Variants in ADAMTS18 observed in about 807,000 individuals in gnomAD.
ADAMTS18 encodes the protein ADAM metallopeptidase with thrombospondin type 1 motif 18.
In ADAMTS18, 157 loss-of-function variants were observed where a neutral mutation model predicts 165.9. The ratio of observed to expected loss-of-function variants is 0.95; its 90% CI spans 0.83 to 1.08. ADAMTS18 has a LOEUF of 1.08. ADAMTS18 is among the 50% of genes least tolerant of loss of function. The pLI is 0.00. For missense variants in ADAMTS18, 2,040 were observed against 1,534.0 expected, an observed-to-expected ratio of 1.33 and a Z score of -5.51; for synonymous variants, 782 against 578.2, an observed-to-expected ratio of 1.35 and a Z score of -5.06.
rs145578939 is a variant in ADAMTS18, at chr16:77,383,512, T to C, written c.496-15789A>G. Among the ~76,000 whole-genome samples, 17 of 151,938 alleles carry C rather than the reference T, an allele frequency of 1.1e-4. No homozygotes were observed. In the East Asian group the frequency reaches 3.1e-3, roughly 28 times the overall value. ...AATGCTCTTCCCCTAGATATCTCACTTCATGTAGGTTTTTGTCCAAAGGCG... is the reference window on the plus strand; with the variant it reads ...AATGCTCTTCCCCTAGATATCTCACCTCATGTAGGTTTTTGTCCAAAGGCG... On this transcript the variant is annotated intron_variant, in intron 3 of 22. Coordinates refer to ENST00000282849, the MANE Select transcript of ADAMTS18 (RefSeq NM_199355.4).
intron 3 of ADAMTS18, among the ~76,000 whole-genome samples, chr16:77,369,321 C>G (rs185105055): frequency 1.4e-4 from 22 of 151,934 alleles, no homozygotes; most frequent in African/African-American, 4.6e-4. Flanking sequence ...ATTCTTTTTT[C>G]AGTCTAAATT....
chr16:77,434,736 G>T lies in ADAMTS18; in HGVS notation c.-41C>A. On this transcript the variant is annotated 5_prime_UTR_variant, in exon 1 of 23. Transcript: ENST00000282849. The stretch of plus-strand genomic sequence containing the variant: ...CGGCGGCTGCGGGTGGCCAGACGCG[G>T]CAGGCGGAGCGCACGGGCGGCGCGC... The T allele has an allele frequency of 1.4e-6, 2 of 1,389,590 alleles. No individual in the cohort carries two copies. Among genetic ancestry groups the T allele is most frequent in the Non-Finnish European group, 1.9e-6 (2 of 1,069,810 alleles). 86.1% of individuals were successfully genotyped at this position (1,389,590 alleles called of 1,614,324 possible).
rs1555507097 is a variant in ADAMTS18 at position 77,282,906 on chromosome 16, C to CTTTTTTTTTTTTT, written c.*1037_*1049dup. ...CCACTGTTTACTCCTTTCTTTCTCT[C>CTTTTTTTTTTTTT]TTTTTTTTTTTTTTTTTTTTGCTGT... is the stretch of plus-strand genomic sequence containing the variant. On this transcript the variant is annotated 3_prime_UTR_variant, in exon 23 of 23. Coordinates refer to ENST00000282849, the MANE Select transcript of ADAMTS18 (RefSeq NM_199355.4). The CTTTTTTTTTTTTT allele has an allele frequency of 2.1e-4, 16 of 77,562 alleles. No homozygotes were observed. Among genetic ancestry groups the CTTTTTTTTTTTTT allele is most frequent in the East Asian group, 6.4e-4 (2 of 3,116 alleles). The allele number at this position is 77,562 out of a possible 1,614,324, so 4.8% of individuals were successfully genotyped here. A position where few individuals can be genotyped will look rare whatever the true frequency, so the allele number is the denominator to read the frequency against.
chr16:77,367,537 A>G lies in ADAMTS18; in HGVS notation c.682T>C (p.Ser228Pro). Reference protein sequence around the residue: ...PGSGRNYPGYSPSHIPHASQS... With the variant: ...PGSGRNYPGYPPSHIPHASQS... Reference sequence around the variant, plus strand: ...GATGCATGGGGAATGTGACTTGGGGAGTAACCAGGATAATTCCGGCCAGAG... The same window carrying G: ...GATGCATGGGGAATGTGACTTGGGGGGTAACCAGGATAATTCCGGCCAGAG... The change falls in exon 4 of 23, where the codon TCC becomes CCC. Residue 228 changes from serine to proline, a missense_variant. Transcript: ENST00000282849. The G allele has an allele frequency of 6.2e-7, 1 of 1,614,214 alleles. No homozygotes were observed. Among genetic ancestry groups the G allele is most frequent in the Non-Finnish European group, 8.5e-7 (1 of 1,180,040 alleles).
chr16:77,316,765 G>C (rs1185783652), intron 16 of ADAMTS18, among the ~76,000 whole-genome samples: 1 of 152,092 alleles, frequency 6.6e-6, no homozygotes, highest in African/African-American at 2.4e-5. Context: ...TGCCTCCCAA[G>C]CTCAAATGAT....
intron 3 of ADAMTS18, among the ~76,000 whole-genome samples, chr16:77,411,029 C>T (rs539733339): frequency 3.2e-4 from 49 of 152,140 alleles, no homozygotes; most frequent in Non-Finnish European, 6.2e-4. Flanking sequence ...CTCATTTTCC[C>T]GCAAATGCCA....
intron 12 of ADAMTS18, among the ~76,000 whole-genome samples, chr16:77,334,376 G>GTATATATAT (rs1555514130): frequency 1.9e-5 from 2 of 103,960 alleles, no homozygotes; most frequent in African/African-American, 8.3e-5. Flanking sequence ...ATTATATATA[G>GTATATATAT]TATATATATT....
chr16:77,332,561 A>G (rs1296805684), intron 12 of ADAMTS18, among the ~76,000 whole-genome samples: 4 of 152,210 alleles, frequency 2.6e-5, no homozygotes. Flanking sequence ...ACAAAGCCAC[A>G]GAGTTTAGAA....
At chr16:77,289,846 G>A (rs530227306) in intron 21 of ADAMTS18, among the ~76,000 whole-genome samples, 1 of 152,314 alleles carries the variant, frequency 6.6e-6, no homozygotes, top group African/African-American at 2.4e-5. Context: ...AGACAGCTCT[G>A]GAATTAGGTC....
rs2056725004 is a variant in ADAMTS18, at chr16:77,362,172, A to G, written c.1149T>C (p.His383=). ...SALIGKNGKR[H]DHAILLTGFD... The stretch of plus-strand genomic sequence containing the variant: ...ATCCTGTTAGTAAGATGGCATGATC[A>G]TGTCTCTTGCCATTCTTTCCAATGA... Residue 383 remains histidine (H), a synonymous_variant, in exon 7 of 23, where the codon CAT becomes CAC. Transcript: ENST00000282849. 1 of 1,614,106 alleles carries G rather than the reference A, an allele frequency of 6.2e-7. No homozygotes were observed. The highest frequency in any genetic ancestry group is 1.1e-5 in the South Asian group (1 of 91,082).
At chr16:77,431,242 A>G in intron 3 of ADAMTS18, 53 bp downstream of exon 3, 1 of 1,597,088 alleles carries the variant, frequency 6.3e-7, no homozygotes, top group Non-Finnish European at 8.6e-7. Context: ...CTGTTCATTC[A>G]AGTTACACAA....
At chr16:77,320,753 A>G (rs2055981735) in intron 15 of ADAMTS18, among the ~76,000 whole-genome samples, 1 of 152,252 alleles carries the variant, frequency 6.6e-6, no homozygotes, top group Admixed American at 6.5e-5. Flanking sequence ...AACTGCTTCA[A>G]ATATTCATTT....
Position 77,289,289 on chromosome 16 carries a change from G to C in ADAMTS18, c.3525C>G (p.Asn1175Lys). 1 of 1,614,142 alleles carries C rather than the reference G, an allele frequency of 6.2e-7. No individual in the cohort carries two copies. The highest frequency in any genetic ancestry group is 8.5e-7 in the Non-Finnish European group (1 of 1,180,012). Reference protein sequence around the residue: ...KPPVLRACNTNFCPAPEKRED... With the variant: ...KPPVLRACNTKFCPAPEKRED... ...CTCTCTTTTCAGGAGCTGGACAGAA[G>C]TTTGTATTACAGGCTCGTAGCACCG... The change falls in exon 22 of 23, where the codon AAC (asparagine) becomes AAG (lysine). Residue 1175 changes from asparagine (N) to lysine (K), a missense_variant. By Grantham distance (94) the Asn-to-Lys change is moderately conservative. Coordinates refer to ENST00000282849, the MANE Select transcript of ADAMTS18 (RefSeq NM_199355.4).
intron 3 of ADAMTS18, among the ~76,000 whole-genome samples, chr16:77,380,700 T>C (rs1479632998): frequency 6.6e-6 from 1 of 152,172 alleles, no homozygotes; most frequent in Non-Finnish European, 1.5e-5. Flanking sequence ...GGTTTAATCA[T>C]AATCAACAGA....
intron 3 of ADAMTS18, among the ~76,000 whole-genome samples, chr16:77,396,061 A>G (rs2057252853): frequency 6.6e-6 from 1 of 152,210 alleles, no homozygotes; most frequent in South Asian, 2.1e-4. Flanking sequence ...TCGAGCCTCA[A>G]AAGAAGTTTA....
intron 12 of ADAMTS18, 141 bp from the exon 13 acceptor site, chr16:77,326,179 G>C: frequency 1.2e-6 from 1 of 819,278 alleles, no homozygotes; most frequent in Non-Finnish European, 2.0e-6. Flanking sequence ...AGGAATGGAA[G>C]TACATAGCAT....
chr16:77,353,988 A>C, intron 9 of ADAMTS18, 102 bp from the exon 10 acceptor site: 1 of 1,391,274 alleles, frequency 7.2e-7, no homozygotes, highest in Non-Finnish European at 1.0e-6. Context: ...AAAATATAGC[A>C]TGGTTCTAGA....
intron 4 of ADAMTS18, among the ~76,000 whole-genome samples, chr16:77,366,341 T>G (rs1167627480): frequency 6.6e-6 from 1 of 152,222 alleles, no homozygotes; most frequent in African/African-American, 2.4e-5. Flanking sequence ...GTGGATCACC[T>G]GAGGTCAGGA....
chr16:77,428,533 C>T (rs2057701206), intron 3 of ADAMTS18, among the ~76,000 whole-genome samples: 1 of 152,112 alleles, frequency 6.6e-6, no homozygotes, highest in South Asian at 2.1e-4. Flanking sequence ...ATCAAGTCTT[C>T]AGGAGGATTT....
Sources: gnomAD v4.1 joint callset for allele counts (sites outside exome capture counted in the v4.1 genomes callset) on GRCh38, gnomAD v4.1.1 for gene constraint, MANE v1.5 for transcripts, NCBI Gene and HGNC (gene_info 2026-07-23, HGNC 2026-07-21) for gene names.